Variants in RABGAP1L observed in about 807,000 individuals in gnomAD.
The protein encoded by RABGAP1L is RAB GTPase activating protein 1 like, also known as rab GTPase-activating protein 1-like.
In RABGAP1L, 63 loss-of-function variants were observed where a neutral mutation model predicts 137.7. The ratio of observed to expected loss-of-function variants is 0.46; its 90% CI spans 0.37 to 0.56. The LOEUF (loss-of-function observed/expected upper bound fraction) is 0.56, where lower values mean the gene tolerates loss of function less well. Among genes scored for constraint, RABGAP1L ranks in the 20% least tolerant of loss-of-function variants. RABGAP1L has a pLI of 0.00. For missense variants in RABGAP1L, 1,095 were observed against 1,244.0 expected (o/e 0.88, Z 1.80); for synonymous variants, 431 against 433.7 (o/e 0.99, Z 0.08).
At chr1:174,796,737 G>A (rs1045441137) in intron 18 of RABGAP1L, among the ~76,000 whole-genome samples, 3 of 152,054 alleles carry the variant, frequency 2.0e-5, no homozygotes, top group Non-Finnish European at 4.4e-5. Flanking sequence ...TGCTGGGCAC[G>A]GTGGCTCACA....
At chr1:174,322,038 T>C (rs942806207) in intron 11 of RABGAP1L, among the ~76,000 whole-genome samples, 3 of 152,202 alleles carry the variant, frequency 2.0e-5, no homozygotes, top group Non-Finnish European at 4.4e-5. Context: ...CTGTAATTTG[T>C]TTTCATTTTC....
At chr1:174,664,389 A>G (rs1676597573) in intron 14 of RABGAP1L, among the ~76,000 whole-genome samples, 1 of 152,198 alleles carries the variant, frequency 6.6e-6, no homozygotes, top group Non-Finnish European at 1.5e-5. Flanking sequence ...TGAAGCCTTG[A>G]GATGTGTCTT....
intron 11 of RABGAP1L, among the ~76,000 whole-genome samples, chr1:174,313,021 C>G (rs1679005034): frequency 6.6e-6 from 1 of 152,116 alleles, no homozygotes; most frequent in Admixed American, 6.6e-5. Context: ...AGTTTGAAGT[C>G]AGTTGTGATT....
chr1:174,552,590 C>T (rs1354854631), intron 13 of RABGAP1L, among the ~76,000 whole-genome samples: 1 of 152,064 alleles, frequency 6.6e-6, no homozygotes, highest in Non-Finnish European at 1.5e-5. Flanking sequence ...ATCCTATACA[C>T]CATGAAATAC....
intron 1 of RABGAP1L, among the ~76,000 whole-genome samples, chr1:174,205,631 A>G (rs2148410975): frequency 6.6e-6 from 1 of 151,938 alleles, no homozygotes; most frequent in East Asian, 1.9e-4. Flanking sequence ...CAGTGGTAAC[A>G]TTTCCTTTGT....
chr1:174,736,953 C>T (rs1308980966), intron 17 of RABGAP1L, among the ~76,000 whole-genome samples: 3 of 152,174 alleles, frequency 2.0e-5, no homozygotes, highest in African/African-American at 4.8e-5. Flanking sequence ...TCTTCCTAGG[C>T]CTCTCTTCCT....
At chr1:174,633,339 C>T (rs1176962392) in intron 13 of RABGAP1L, among the ~76,000 whole-genome samples, 3 of 145,272 alleles carry the variant, frequency 2.1e-5, no homozygotes, top group African/African-American at 7.9e-5. Flanking sequence ...ATGTGAAGGA[C>T]CTCTTCAAGG....
chr1:174,747,514 T>G (rs1377358943), intron 17 of RABGAP1L, among the ~76,000 whole-genome samples: 2 of 152,114 alleles, frequency 1.3e-5, no homozygotes, highest in African/African-American at 4.8e-5. Context: ...CACTCTGTTC[T>G]ACTTTAGTTC....
At chr1:174,370,880 G>A (rs1685064239) in intron 11 of RABGAP1L, 99 bp from the exon 12 acceptor site, 2 of 517,022 alleles carry the variant, frequency 3.9e-6, no homozygotes, top group Non-Finnish European at 6.5e-6. Context: ...AAGAGAAGCT[G>A]GTTTTATTAG....
intron 19 of RABGAP1L, among the ~76,000 whole-genome samples, chr1:174,872,887 A>C (rs1558173657): frequency 1.3e-5 from 2 of 152,034 alleles, no homozygotes; most frequent in African/African-American, 4.8e-5. Context: ...GTCATTTTGG[A>C]GATCCTTAAC....
intron 18 of RABGAP1L, among the ~76,000 whole-genome samples, chr1:174,802,283 A>G (rs1219408618): frequency 6.6e-6 from 1 of 152,184 alleles, no homozygotes; most frequent in Non-Finnish European, 1.5e-5. Flanking sequence ...TTAGAGCCTA[A>G]GTAATAATGC....
At chr1:174,226,630 G>A (rs1558047977) in intron 3 of RABGAP1L, among the ~76,000 whole-genome samples, 1 of 152,098 alleles carries the variant, frequency 6.6e-6, no homozygotes, top group Non-Finnish European at 1.5e-5. Context: ...TTTTCTTAAT[G>A]AATTGACCAT....
intron 17 of RABGAP1L, among the ~76,000 whole-genome samples, chr1:174,708,673 C>A (rs1235723236): frequency 6.6e-6 from 1 of 152,212 alleles, no homozygotes; most frequent in Non-Finnish European, 1.5e-5. Context: ...CCCTCGGGTG[C>A]CTGCACCACC....
chr1:174,978,427 C>T (rs1488020368), intron 22 of RABGAP1L, among the ~76,000 whole-genome samples: 2 of 152,102 alleles, frequency 1.3e-5, no homozygotes, highest in Non-Finnish European at 2.9e-5. Flanking sequence ...TGATTTTTTT[C>T]AGTAATTTAT....
At chr1:174,494,445 A>G (rs879596717) in intron 13 of RABGAP1L, among the ~76,000 whole-genome samples, 5 of 152,236 alleles carry the variant, frequency 3.3e-5, no homozygotes, top group Non-Finnish European at 5.9e-5. Flanking sequence ...TAATTCCTAC[A>G]AAGTAATTAT....
At chr1:174,909,254 T>C (rs569840761) in intron 19 of RABGAP1L, among the ~76,000 whole-genome samples, 105 of 152,030 alleles carry the variant, frequency 6.9e-4, no homozygotes, top group Non-Finnish European at 8.8e-4. Flanking sequence ...GAGAAGGTCT[T>C]ACTCTGTCAC....
At position 174,548,083 on chromosome 1, in the gene RABGAP1L, A is replaced by G. The variant is rs752487193; in HGVS notation, c.1711-89292A>G. The G allele has an allele frequency of 7.8e-6, 12 of 1,546,758 alleles. No individual in the cohort carries two copies. In the African/African-American group the frequency reaches 1.1e-4, roughly 14 times the overall value. On this transcript the variant is annotated intron_variant, in intron 13 of 25. Transcript: ENST00000681986. ...GCGTCAGTGCTCTTGGCAGCTTAGC[A>G]TGAGTGCTTTCTTTGCATGGGAGGT...
chr1:174,200,841 A>G (rs948787047), intron 1 of RABGAP1L, among the ~76,000 whole-genome samples: 3 of 152,190 alleles, frequency 2.0e-5, no homozygotes, highest in Admixed American at 2.0e-4. Flanking sequence ...AATAACCTTT[A>G]TAGGATAAAG....
chr1:174,590,119 G>GTTT (rs1669455903), intron 13 of RABGAP1L, among the ~76,000 whole-genome samples: 1 of 55,298 alleles, frequency 1.8e-5, no homozygotes, highest in Non-Finnish European at 3.7e-5. Flanking sequence ...GACCTCTTCA[G>GTTT]TTTCTTTTTT....
Sources: allele counts gnomAD v4.1 joint callset (sites outside exome capture counted in the v4.1 genomes callset), GRCh38; gene constraint gnomAD v4.1.1; transcripts MANE v1.5; gene names NCBI Gene and HGNC (gene_info 2026-07-23, HGNC 2026-07-21).